SDC3: variants seen among roughly 807,000 people sequenced by gnomAD.
SDC3 encodes syndecan 3, also known as syndecan-3.
In SDC3, 13 loss-of-function variants were observed where a neutral mutation model predicts 24.4. The observed-to-expected ratio is 0.53, with a 90% CI of 0.35 to 0.85. The LOEUF (loss-of-function observed/expected upper bound fraction) is 0.85. Ranked by LOEUF, SDC3 falls within the 40% of genes least tolerant of loss-of-function variation. The probability of loss-of-function intolerance (pLI) is 0.01; values close to 1 mark genes in which losing one functional copy is unlikely to be tolerated. For missense variants in SDC3, 571 were observed against 584.5 expected (o/e 0.98, Z 0.24); for synonymous variants, 295 against 260.9 (o/e 1.13, Z -1.26).
At chr1:30,877,861 G>A (rs1028005287) in intron 2 of SDC3, 1 of 152,634 alleles carries the variant, frequency 6.6e-6, no homozygotes, top group East Asian at 1.9e-4. Context: ...TTTGAAAGAG[G>A]CTCAAAGGAC....
chr1:30,877,384 G>A (rs1639663806), intron 2 of SDC3: 2 of 643,982 alleles, frequency 3.1e-6, no homozygotes, highest in Non-Finnish European at 5.5e-6. Flanking sequence ...CAAAAATTCT[G>A]GGGGCCGCCT....
At chr1:30,893,311 C>A (rs1442821404) in intron 1 of SDC3, among the ~76,000 whole-genome samples, 7 of 116,630 alleles carry the variant, frequency 6.0e-5, no homozygotes, top group Middle Eastern at 4.1e-3. Context: ...GAGCCCCCCC[C>A]CCCCCCACCA....
At chr1:30,907,481 C>T (rs998294127) in intron 1 of SDC3, among the ~76,000 whole-genome samples, 6 of 152,204 alleles carry the variant, frequency 3.9e-5, no homozygotes, top group African/African-American at 1.4e-4. Flanking sequence ...CACCTGCATG[C>T]ACACGCTGCT....
chr1:30,874,331 C>T lies in SDC3; in HGVS notation c.1128G>A (p.Gln376=). ...DSGSSAAQLP[Q]KSILERKEVL... ...CCTCCTTCCGCTCCAGGATACTCTT[C>T]TGAGGCAGCTGAGCAGCTGAGCTGC... is the stretch of plus-strand genomic sequence containing the variant. Residue 376 remains glutamine, a synonymous_variant, in exon 4 of 5, where the codon CAG becomes CAA. Transcript: ENST00000339394. The T allele has an allele frequency of 1.2e-6, 2 of 1,613,136 alleles. No individual in the cohort carries two copies. The highest frequency in any genetic ancestry group is 1.7e-6 in the Non-Finnish European group (2 of 1,179,902).
chr1:30,903,248 G>C (rs1404047336), intron 1 of SDC3, among the ~76,000 whole-genome samples: 1 of 152,142 alleles, frequency 6.6e-6, no homozygotes. Flanking sequence ...GGGGTTAAAG[G>C]CAGGCCTGGT....
chr1:30,879,514 C>T (rs574358435), intron 1 of SDC3, among the ~76,000 whole-genome samples: 65 of 152,268 alleles, frequency 4.3e-4, no homozygotes, highest in African/African-American at 1.2e-3. Context: ...AAAATACCCA[C>T]GGTGGAGGAG....
chr1:30,873,446 G>T (rs1304749534), intron 4 of SDC3, 69 bp from the exon 5 acceptor site: 7 of 1,203,342 alleles, frequency 5.8e-6, no homozygotes, highest in Non-Finnish European at 8.5e-6. Context: ...GTCCTCAGGG[G>T]TGGGGGCCAG....
chr1:30,889,356 G>T (rs965824813), intron 1 of SDC3, among the ~76,000 whole-genome samples: 2 of 152,252 alleles, frequency 1.3e-5, no homozygotes, highest in Non-Finnish European at 2.9e-5. Flanking sequence ...ATGGCCCAGA[G>T]GGTCATAAGG....
chr1:30,875,477 T>C (rs1435588828), intron 3 of SDC3, among the ~76,000 whole-genome samples: 1 of 151,710 alleles, frequency 6.6e-6, no homozygotes, highest in Admixed American at 6.6e-5. Context: ...GGCTGGGGAG[T>C]CAGAGGGACT....
chr1:30,874,496 T>C lies in SDC3; in HGVS notation c.963A>G (p.Glu321=), dbSNP rs765960862. Residue 321 remains glutamate (E), a synonymous_variant, in exon 4 of 5, where the codon GAA becomes GAG. Transcript: ENST00000339394. ...CTGTGTCTGGTTGTGTGGTCTCTTC[T>C]TCTGGCAGCTCGAAGTCTCCACTGG... ...GGPSGDFELP[E]EETTQPDTAN... 3.7e-5 allele frequency: 59 copies of C among 1,614,054 alleles called. No individual in the cohort carries two copies. In the South Asian group the frequency reaches 5.5e-4, roughly 15 times the overall value.
intron 1 of SDC3, among the ~76,000 whole-genome samples, chr1:30,891,295 C>A (rs1639900267): frequency 6.6e-6 from 1 of 152,254 alleles, no homozygotes; most frequent in African/African-American, 2.4e-5. Context: ...CAGGCCCCAC[C>A]CTTCACCCTG....
chr1:30,874,496 T>G lies in SDC3; in HGVS notation c.963A>C (p.Glu321Asp), dbSNP rs765960862. ...GGPSGDFELP[E>D]EETTQPDTAN... ...CTGTGTCTGGTTGTGTGGTCTCTTCTTCTGGCAGCTCGAAGTCTCCACTGG... is the reference window on the plus strand; with the variant it reads ...CTGTGTCTGGTTGTGTGGTCTCTTCGTCTGGCAGCTCGAAGTCTCCACTGG... The change falls in exon 4 of 5, where the codon GAA (glutamate) becomes GAC (aspartate). Residue 321 changes from glutamate to aspartate, a missense_variant. Physicochemically the swap from Glu to Asp is conservative, Grantham distance 45 (BLOSUM62 2). Coordinates refer to ENST00000339394, the MANE Select transcript of SDC3 (RefSeq NM_014654.4). 6.2e-7 allele frequency: 1 copy of G among 1,614,054 alleles called. No homozygotes were observed. The highest frequency in any genetic ancestry group is 8.5e-7 in the Non-Finnish European group (1 of 1,180,036).
intron 1 of SDC3, among the ~76,000 whole-genome samples, chr1:30,899,902 T>C (rs964725949): frequency 1.3e-5 from 2 of 152,178 alleles, no homozygotes; most frequent in Non-Finnish European, 2.9e-5. Context: ...AGCAGGTGCT[T>C]AGTAAATGTC....
intron 1 of SDC3, among the ~76,000 whole-genome samples, chr1:30,898,760 A>T (rs1638338618): frequency 6.6e-6 from 1 of 152,294 alleles, no homozygotes; most frequent in Non-Finnish European, 1.5e-5. Flanking sequence ...TCTTTCTGAT[A>T]GTTCCTCAAA....
chr1:30,905,507 A>C (rs1638503282), intron 1 of SDC3, among the ~76,000 whole-genome samples: 1 of 151,834 alleles, frequency 6.6e-6, no homozygotes, highest in African/African-American at 2.4e-5. Flanking sequence ...CACTGGGCTA[A>C]AAGCTTTCCA....
At chr1:30,897,753 C>T (rs1156790054) in intron 1 of SDC3, among the ~76,000 whole-genome samples, 2 of 152,160 alleles carry the variant, frequency 1.3e-5, no homozygotes, top group Non-Finnish European at 2.9e-5. Context: ...AGCTCTGTGA[C>T]CTTGCACAAA....
intron 1 of SDC3, among the ~76,000 whole-genome samples, chr1:30,890,798 C>T (rs1479236257): frequency 1.3e-5 from 2 of 152,168 alleles, no homozygotes; most frequent in East Asian, 3.9e-4. Flanking sequence ...TTGTCTTGGC[C>T]CTGCTCACCT....
chr1:30,874,193 G>T (rs948835850), intron 4 of SDC3, 104 bp downstream of exon 4: 6 of 934,402 alleles, frequency 6.4e-6, no homozygotes, highest in African/African-American at 3.3e-5. Flanking sequence ...AGGAAACCAC[G>T]CCCTGATCTC....
intron 1 of SDC3, among the ~76,000 whole-genome samples, chr1:30,898,980 C>CCACCTAACTG (rs1371498840): frequency 2.6e-5 from 4 of 152,228 alleles, no homozygotes; most frequent in Non-Finnish European, 5.9e-5. Context: ...GCACCTCCCA[C>CCACCTAACTG]CACTCCTCAC....
Sources: gnomAD v4.1 joint callset for allele counts (sites outside exome capture counted in the v4.1 genomes callset) on GRCh38, gnomAD v4.1.1 for gene constraint, MANE v1.5 for transcripts, NCBI Gene and HGNC (gene_info 2026-07-23, HGNC 2026-07-21) for gene names.